The following ADAMTS19 variants were observed in gnomAD, a reference collection of about 807,000 sequenced individuals.
ADAMTS19 encodes the protein ADAM metallopeptidase with thrombospondin type 1 motif 19.
In ADAMTS19, 93 loss-of-function variants were observed where a neutral mutation model predicts 153.3. The observed-to-expected ratio is 0.61, with a 90% confidence interval of 0.51 to 0.72. The LOEUF (loss-of-function observed/expected upper bound fraction) is 0.72. Among genes scored for constraint, ADAMTS19 ranks in the 30% least tolerant of loss-of-function variants. The probability of loss-of-function intolerance (pLI) is 0.00; values close to 1 mark genes in which losing one functional copy is unlikely to be tolerated. For missense variants in ADAMTS19, 1,482 were observed against 1,552.1 expected (o/e 0.95, Z 0.76); for synonymous variants, 600 against 556.6 (o/e 1.08, Z -1.10).
intron 10 of ADAMTS19, among the ~76,000 whole-genome samples, chr5:129,624,318 C>T (rs1324941589): frequency 3.3e-5 from 5 of 151,982 alleles, no homozygotes; most frequent in Non-Finnish European, 5.9e-5. Context: ...ACCTCTCTGA[C>T]CTCATCTACT....
At chr5:129,460,534 C>A (rs755844046) in intron 1 of ADAMTS19, 52 bp downstream of exon 1, 2 of 1,607,926 alleles carry the variant, frequency 1.2e-6, no homozygotes, top group African/African-American at 1.3e-5. Context: ...CCAGCGGAGA[C>A]CGCGAACGTA....
At chr5:129,606,707 T>C (rs1241575360) in intron 8 of ADAMTS19, among the ~76,000 whole-genome samples, 1 of 152,222 alleles carries the variant, frequency 6.6e-6, no homozygotes, top group Non-Finnish European at 1.5e-5. Context: ...AACTTTACAA[T>C]GGACTTCTCT....
intron 3 of ADAMTS19, among the ~76,000 whole-genome samples, chr5:129,524,089 A>G (rs1303070360): frequency 6.6e-6 from 1 of 152,190 alleles, no homozygotes; most frequent in East Asian, 1.9e-4. Flanking sequence ...CCAAAATAGC[A>G]TGGTACTGGT....
chr5:129,462,891 A>AGG (rs1749730698), intron 2 of ADAMTS19, among the ~76,000 whole-genome samples: 1 of 152,216 alleles, frequency 6.6e-6, no homozygotes, highest in African/African-American at 2.4e-5. Context: ...CATTTGGAGA[A>AGG]AATCCAACAG....
At chr5:129,541,993 T>C (rs1211330454) in intron 6 of ADAMTS19, among the ~76,000 whole-genome samples, 1 of 152,154 alleles carries the variant, frequency 6.6e-6, no homozygotes, top group African/African-American at 2.4e-5. Context: ...TCATCTATAG[T>C]TATATTGAGA....
chr5:129,564,655 A>G (rs538719154), intron 7 of ADAMTS19, among the ~76,000 whole-genome samples: 1 of 152,322 alleles, frequency 6.6e-6, no homozygotes, highest in African/African-American at 2.4e-5. Context: ...TCCATATTTA[A>G]TATTCATTTC....
intron 7 of ADAMTS19, among the ~76,000 whole-genome samples, chr5:129,579,539 C>G (rs1408335086): frequency 6.6e-6 from 1 of 152,046 alleles, no homozygotes; most frequent in African/African-American, 2.4e-5. Flanking sequence ...ATGGTATTAC[C>G]TAGGTTTTCT....
chr5:129,706,398 C>T (rs1158659019), intron 21 of ADAMTS19, among the ~76,000 whole-genome samples: 2 of 151,966 alleles, frequency 1.3e-5, no homozygotes, highest in Non-Finnish European at 2.9e-5. Flanking sequence ...GGAGAAACCC[C>T]GTCTCTACTG....
intron 1 of ADAMTS19, chr5:129,460,789 G>T (rs986010852): frequency 3.8e-6 from 2 of 520,250 alleles, no homozygotes; most frequent in African/African-American, 3.9e-5. Flanking sequence ...CTCTGCTCTA[G>T]CATACACTTC....
In ADAMTS19 at chr5:129,604,495, A is replaced by G. The variant is rs79678022; in HGVS notation, c.1478+7831A>G. Among the ~76,000 whole-genome samples the G allele has an allele frequency of 1.4e-3, 214 of 152,284 alleles. 3 individuals are homozygous for G. The East Asian group carries it at 0.026, about 18-fold the overall frequency. On this transcript the variant is annotated intron_variant, in intron 8 of 22. Transcript: ENST00000274487. ...TTAGATATATGCTTCATTAGGCTGT[A>G]AGCTTCAAGAGGTGAGGAACCATAT... is the stretch of plus-strand genomic sequence containing the variant.
intron 11 of ADAMTS19, among the ~76,000 whole-genome samples, chr5:129,646,395 A>C (rs1006922296): frequency 6.6e-6 from 1 of 152,176 alleles, no homozygotes; most frequent in Non-Finnish European, 1.5e-5. Context: ...TGGCCTATAA[A>C]AGTAAAGCAC....
intron 7 of ADAMTS19, among the ~76,000 whole-genome samples, chr5:129,562,900 C>T (rs539176842): frequency 1.3e-5 from 2 of 151,954 alleles, no homozygotes; most frequent in East Asian, 3.9e-4. Flanking sequence ...TGTCTTTGAG[C>T]AGGTTGGAAT....
intron 2 of ADAMTS19, among the ~76,000 whole-genome samples, chr5:129,495,336 G>C (rs755240632): frequency 6.6e-6 from 1 of 151,918 alleles, no homozygotes; most frequent in Non-Finnish European, 1.5e-5. Flanking sequence ...AGAATCAAAG[G>C]AAATTGAATC....
At chr5:129,709,877 T>A (rs942596811) in intron 21 of ADAMTS19, among the ~76,000 whole-genome samples, 1 of 152,272 alleles carries the variant, frequency 6.6e-6, no homozygotes, top group Middle Eastern at 3.4e-3. Context: ...ATTGGATTCT[T>A]AAGGTGTGTA....
At chr5:129,713,792 TAACA>T (rs1471109722) in intron 21 of ADAMTS19, among the ~76,000 whole-genome samples, 1 of 147,308 alleles carries the variant, frequency 6.8e-6, no homozygotes, top group Non-Finnish European at 1.5e-5. Flanking sequence ...AAAATGTTTT[TAACA>T]AACAGAGCCA....
intron 21 of ADAMTS19, among the ~76,000 whole-genome samples, chr5:129,712,166 T>C (rs1360492223): frequency 2.0e-5 from 3 of 152,194 alleles, no homozygotes; most frequent in Non-Finnish European, 4.4e-5. Context: ...CTTACAATTT[T>C]TGTAATTACA....
chr5:129,508,432 T>A lies in ADAMTS19; in HGVS notation c.748-645T>A, dbSNP rs113854762. Reference sequence around the variant, plus strand: ...AAGTATACCTACTTGTTATAAGTACTTTTTATTGATCATAACTGTATTATA... The same window carrying A: ...AAGTATACCTACTTGTTATAAGTACATTTTATTGATCATAACTGTATTATA... On this transcript the variant is annotated intron_variant, in intron 2 of 22. Coordinates refer to ENST00000274487, the MANE Select transcript of ADAMTS19 (RefSeq NM_133638.6). 1.7e-3 allele frequency among the ~76,000 whole-genome samples: 265 copies of A among 152,112 alleles called. 1 individual carries two copies. Among genetic ancestry groups the A allele is most frequent in the African/African-American group, 6.1e-3 (253 of 41,550 alleles).
rs1304761528 is a variant in ADAMTS19, at chr5:129,737,227, A to AACT, written c.*9_*10insACT. On this transcript the variant is annotated 3_prime_UTR_variant, in exon 23 of 23. Transcript: ENST00000274487. ...TGCAGCAGAAGAGTTGACCTCTAGC[A>AACT]GGCTGGCTGGATCACAGCTCTTGGC... is the stretch of plus-strand genomic sequence containing the variant. 6.3e-7 allele frequency: 1 copy of AACT among 1,587,372 alleles called. No individual in the cohort carries two copies. The highest frequency in any genetic ancestry group is 1.3e-5 in the African/African-American group (1 of 74,448).
intron 16 of ADAMTS19, among the ~76,000 whole-genome samples, chr5:129,668,646 A>G (rs112071675): frequency 6.6e-6 from 1 of 152,014 alleles, no homozygotes; most frequent in Non-Finnish European, 1.5e-5. Flanking sequence ...GGATTTCAAC[A>G]TATAAATTAT....
Sources: gnomAD v4.1 joint callset for allele counts (sites outside exome capture counted in the v4.1 genomes callset) on GRCh38, gnomAD v4.1.1 for gene constraint, MANE v1.5 for transcripts, NCBI Gene and HGNC (gene_info 2026-07-23, HGNC 2026-07-21) for gene names.